KLF13: variants seen among roughly 807,000 people sequenced by gnomAD.
KLF13 encodes KLF transcription factor 13, also known as Krueppel-like factor 13.
In KLF13, 8 loss-of-function variants were observed where a neutral mutation model predicts 16.7. The ratio of observed to expected loss-of-function variants is 0.48; its 90% CI spans 0.28 to 0.87. The LOEUF (loss-of-function observed/expected upper bound fraction) is 0.87. Among genes scored for constraint, KLF13 ranks in the 40% least tolerant of loss-of-function variants. KLF13 has a pLI of 0.10. For missense variants in KLF13, 447 were observed against 452.2 expected (o/e 0.99, Z 0.10); for synonymous variants, 245 against 208.4 (o/e 1.18, Z -1.51).
At chr15:31,408,463 G>A (rs1189435745), downstream of KLF13, among the ~76,000 whole-genome samples, 1 of 152,090 alleles carries the variant, frequency 6.6e-6, no homozygotes, top group Non-Finnish European at 1.5e-5. Context: ...TAAAATTCTC[G>A]CAAAATAGCC....
chr15:31,368,035 G>A (rs4081975), intron 1 of KLF13, among the ~76,000 whole-genome samples: 1 of 145,404 alleles, frequency 6.9e-6, no homozygotes, highest in East Asian at 2.1e-4. Flanking sequence ...CTCACTTGCT[G>A]CCTTCCCCGT....
rs1003184712 is a variant in KLF13 at position 31,372,380 on chromosome 15, G to A, written c.*81G>A. 57 of 1,333,762 alleles carry A rather than the reference G, an allele frequency of 4.3e-5. No individual in the cohort carries two copies. In the Middle Eastern group the frequency reaches 8.2e-4, roughly 19 times the overall value. The allele number at this position is 1,333,762 out of a possible 1,614,324, so 82.6% of individuals were successfully genotyped here. ...CTTTTGTAATAAGAAAGAAGAGAGA[G>A]AACTTGATGCAAAGTCCACGAAAAA... is the stretch of plus-strand genomic sequence containing the variant. On this transcript the variant is annotated 3_prime_UTR_variant, in exon 2 of 2. Transcript: ENST00000307145.
At chr15:31,346,143 C>G (rs768305988) in intron 1 of KLF13, among the ~76,000 whole-genome samples, 2 of 152,066 alleles carry the variant, frequency 1.3e-5, no homozygotes, top group Non-Finnish European at 2.9e-5. Flanking sequence ...CAGAGCTGTT[C>G]CGCACAGAAC....
intron 1 of KLF13, among the ~76,000 whole-genome samples, chr15:31,430,540 C>A (rs1279179924): frequency 6.6e-6 from 1 of 152,110 alleles, no homozygotes; most frequent in African/African-American, 2.4e-5. Flanking sequence ...GAGTAAAATA[C>A]CCTTGAAAAC....
At chr15:31,351,032 A>C (rs2039207629) in intron 1 of KLF13, among the ~76,000 whole-genome samples, 1 of 152,200 alleles carries the variant, frequency 6.6e-6, no homozygotes, top group South Asian at 2.1e-4. Context: ...TTGCTTTGTA[A>C]AATGACCCAA....
At chr15:31,416,292 C>A (rs894141059) in intron 1 of KLF13, among the ~76,000 whole-genome samples, 3 of 152,090 alleles carry the variant, frequency 2.0e-5, no homozygotes, top group African/African-American at 4.8e-5. Flanking sequence ...CACTCTCCAA[C>A]TCATTATGAA....
rs2039559289 is a variant in KLF13 at position 31,371,847 on chromosome 15, C to T, written c.578-163C>T. Among the ~76,000 whole-genome samples, 3 of 152,224 alleles carry T rather than the reference C, an allele frequency of 2.0e-5. No homozygotes were observed. In the South Asian group the frequency reaches 6.2e-4, roughly 32 times the overall value. Reference sequence around the variant, plus strand: ...CGTGGGCGGGAGGGCAGGGGCCCACCTTCATCTCTGCCTTGATGGATTTGT... The same window carrying T: ...CGTGGGCGGGAGGGCAGGGGCCCACTTTCATCTCTGCCTTGATGGATTTGT... On this transcript the variant is annotated intron_variant, in intron 1 of 1. Transcript: ENST00000307145.
chr15:31,395,474 T>C (rs1050978532), intron 2 of KLF13, among the ~76,000 whole-genome samples: 15 of 152,254 alleles, frequency 9.9e-5, no homozygotes, highest in Admixed American at 7.8e-4. Context: ...ATTTATTTAT[T>C]TTTGGACATA....
chr15:31,398,001 C>G (rs769728409), intron 2 of KLF13, among the ~76,000 whole-genome samples: 4 of 152,078 alleles, frequency 2.6e-5, no homozygotes, highest in Non-Finnish European at 5.9e-5. Context: ...CCGGGTCGAC[C>G]CTGAGTTTAT....
chr15:31,431,756 G>A (rs540478011), intron 1 of KLF13, among the ~76,000 whole-genome samples: 7 of 152,294 alleles, frequency 4.6e-5, no homozygotes, highest in South Asian at 4.1e-4. Context: ...GAGCCACCGC[G>A]CCCAGCCTGG....
intron 1 of KLF13, among the ~76,000 whole-genome samples, chr15:31,430,562 CATG>C (rs1159319932): frequency 6.6e-6 from 1 of 152,166 alleles, no homozygotes; most frequent in Non-Finnish European, 1.5e-5. Flanking sequence ...AACCCACTTC[CATG>C]ATAATGGCAC....
chr15:31,378,732 G>A (rs2039688399), downstream of KLF13, among the ~76,000 whole-genome samples: 2 of 152,110 alleles, frequency 1.3e-5, no homozygotes. Flanking sequence ...ACACAGTCTC[G>A]CTGTGTAGCC....
chr15:31,328,764 A>C, intron 1 of KLF13, among the ~76,000 whole-genome samples: 1 of 152,096 alleles, frequency 6.6e-6, no homozygotes, highest in East Asian at 1.9e-4. Flanking sequence ...TTCGTTTTTA[A>C]CATAAAGATG....
intron 2 of KLF13, among the ~76,000 whole-genome samples, chr15:31,395,182 G>C (rs1029164864): frequency 6.6e-6 from 1 of 152,098 alleles, no homozygotes; most frequent in African/African-American, 2.4e-5. Context: ...GTTTCACCAC[G>C]TTGGCCAGTC....
At chr15:31,336,938 A>T (rs2038938949) in intron 1 of KLF13, among the ~76,000 whole-genome samples, 1 of 152,158 alleles carries the variant, frequency 6.6e-6, no homozygotes, top group Non-Finnish European at 1.5e-5. Flanking sequence ...GATAAATGGG[A>T]GTTAATGACA....
chr15:31,382,050 A>C (rs2039733834), downstream of KLF13, among the ~76,000 whole-genome samples: 1 of 152,182 alleles, frequency 6.6e-6, no homozygotes, highest in African/African-American at 2.4e-5. Flanking sequence ...GTCATGGTGA[A>C]GTTCCCAGTG....
Position 31,348,480 on chromosome 15 carries a change from A to G in KLF13, c.577+20691A>G, listed in dbSNP as rs369611850. Among the ~76,000 whole-genome samples, 15 of 152,240 alleles carry G rather than the reference A, an allele frequency of 9.9e-5. 1 individual carries two copies. The highest frequency in any genetic ancestry group is 5.9e-4 in the Admixed American group (9 of 15,294). ...GAAATTAAGTGGCACCCACAGTTTT[A>G]CCTCCCAGACAGGACTGTTGCTTGG... On this transcript the variant is annotated intron_variant, in intron 1 of 1. Transcript: ENST00000307145.
chr15:31,334,418 T>C (rs1044656669), intron 1 of KLF13, among the ~76,000 whole-genome samples: 8 of 151,990 alleles, frequency 5.3e-5, no homozygotes, highest in Non-Finnish European at 1.2e-4. Context: ...AACCTGTTTT[T>C]CTTTTCTTTC....
intron 1 of KLF13, 50 bp downstream of exon 1, chr15:31,327,839 A>T (rs772989904): frequency 8.7e-5 from 118 of 1,351,052 alleles, no homozygotes; most frequent in Non-Finnish European, 1.1e-4. Flanking sequence ...GGTCGGCGCG[A>T]GCTGCCCGAC....
Sources: allele counts gnomAD v4.1 joint callset (sites outside exome capture counted in the v4.1 genomes callset), GRCh38; gene constraint gnomAD v4.1.1; transcripts MANE v1.5; gene names NCBI Gene and HGNC (gene_info 2026-07-23, HGNC 2026-07-21).